The following STK32B variants were observed in gnomAD, a reference collection of about 807,000 sequenced individuals.
STK32B encodes the protein serine/threonine-protein kinase 32B.
STK32B carries 43 observed loss-of-function variants against 52.6 expected under a neutral mutation model. The ratio of observed to expected loss-of-function variants is 0.82; its 90% CI spans 0.64 to 1.05. The LOEUF is 1.05. STK32B is among the 50% of genes least tolerant of loss of function. STK32B has a pLI of 0.00. For missense variants in STK32B, 621 were observed against 534.6 expected (o/e 1.16, Z -1.59); for synonymous variants, 238 against 204.3 (o/e 1.17, Z -1.41).
chr4:5,153,415 C>T (rs562129846), intron 2 of STK32B, among the ~76,000 whole-genome samples: 8 of 151,290 alleles, frequency 5.3e-5, no homozygotes, highest in African/African-American at 1.7e-4. Context: ...AGGGGGCAAA[C>T]AATGTTCAGC....
At chr4:5,315,672 T>C (rs1730623982) in intron 3 of STK32B, among the ~76,000 whole-genome samples, 1 of 124,658 alleles carries the variant, frequency 8.0e-6, no homozygotes, top group South Asian at 2.4e-4. Flanking sequence ...TATTTTTTCT[T>C]TTTCTTTTTC....
intron 3 of STK32B, among the ~76,000 whole-genome samples, chr4:5,228,021 C>T (rs927665498): frequency 1.3e-5 from 2 of 152,044 alleles, no homozygotes; most frequent in Non-Finnish European, 2.9e-5. Flanking sequence ...TCTGGGAGAA[C>T]ATTTGTTTTA....
intron 2 of STK32B, among the ~76,000 whole-genome samples, chr4:5,153,098 C>T (rs1577111760): frequency 6.6e-6 from 1 of 152,172 alleles, no homozygotes; most frequent in South Asian, 2.1e-4. Flanking sequence ...TTCAAATGTC[C>T]CTCCCAGATA....
At chr4:5,176,438 CTTTT>C (rs34628636) in intron 3 of STK32B, among the ~76,000 whole-genome samples, 1 of 111,980 alleles carries the variant, frequency 8.9e-6, no homozygotes, top group East Asian at 2.6e-4. Flanking sequence ...CGGCCATCAT[CTTTT>C]TTTTTTTTTT....
At chr4:5,086,081 G>T (rs1712717172) in intron 1 of STK32B, among the ~76,000 whole-genome samples, 3 of 152,258 alleles carry the variant, frequency 2.0e-5, no homozygotes, top group African/African-American at 7.2e-5. Context: ...ATAATAGTTG[G>T]TGCAAACAAT....
intron 3 of STK32B, among the ~76,000 whole-genome samples, chr4:5,295,851 A>G (rs1729163738): frequency 6.6e-6 from 1 of 151,802 alleles, no homozygotes; most frequent in Non-Finnish European, 1.5e-5. Context: ...AGTTCTTCTA[A>G]TTGTGTTATG....
chr4:5,193,704 A>G (rs1721416869), intron 3 of STK32B, among the ~76,000 whole-genome samples: 1 of 152,234 alleles, frequency 6.6e-6, no homozygotes, highest in Non-Finnish European at 1.5e-5. Flanking sequence ...CCAGCCACAT[A>G]TGTGAAACTA....
chr4:5,437,489 C>T (rs1041504509), intron 6 of STK32B, among the ~76,000 whole-genome samples: 3 of 152,226 alleles, frequency 2.0e-5, no homozygotes, highest in South Asian at 2.1e-4. Context: ...CTTATAAAGA[C>T]ATCAGTTGTT....
chr4:5,373,398 T>C (rs1212566538), intron 4 of STK32B, among the ~76,000 whole-genome samples: 1 of 152,214 alleles, frequency 6.6e-6, no homozygotes, highest in African/African-American at 2.4e-5. Context: ...AACCCCCATG[T>C]TTCAGTTTGA....
intron 3 of STK32B, among the ~76,000 whole-genome samples, chr4:5,249,441 A>ACCTACCTACCTTCCTTCCTT (rs1182902469): frequency 7.3e-6 from 1 of 137,342 alleles, no homozygotes; most frequent in Non-Finnish European, 1.6e-5. Flanking sequence ...CTTCCTACCT[A>ACCTACCTACCTTCCTTCCTT]CCTTCCTTCC....
At chr4:5,114,350 C>T (rs553152070) in intron 1 of STK32B, among the ~76,000 whole-genome samples, 4 of 152,098 alleles carry the variant, frequency 2.6e-5, no homozygotes, top group East Asian at 1.9e-4. Context: ...CCTTCCTGGA[C>T]CCAGATGTAT....
chr4:5,416,017 CATG>C (rs1299278712), intron 5 of STK32B, among the ~76,000 whole-genome samples: 1 of 152,168 alleles, frequency 6.6e-6, no homozygotes, highest in Non-Finnish European at 1.5e-5. Flanking sequence ...GCCATTTTCA[CATG>C]ATGTGATGAC....
chr4:5,373,859 C>A (rs1735406711), intron 4 of STK32B, among the ~76,000 whole-genome samples: 1 of 152,148 alleles, frequency 6.6e-6, no homozygotes, highest in Admixed American at 6.5e-5. Flanking sequence ...TTTGTGATTT[C>A]TGCTCTATCT....
intron 3 of STK32B, among the ~76,000 whole-genome samples, chr4:5,274,651 C>G (rs78328604): frequency 0.069 from 10,447 of 152,182 alleles, 629 homozygotes; most frequent in African/African-American, 0.16. Flanking sequence ...GCATATAAAC[C>G]CCGGCATTGG....
intron 6 of STK32B, among the ~76,000 whole-genome samples, chr4:5,434,953 ATTC>A (rs1454472963): frequency 1.3e-5 from 2 of 152,138 alleles, no homozygotes; most frequent in Non-Finnish European, 2.9e-5. Context: ...TAAGACTGAC[ATTC>A]TGGTCTGGGC....
upstream of STK32B, among the ~76,000 whole-genome samples, chr4:5,047,451 G>T (rs1177602347): frequency 6.6e-6 from 1 of 152,028 alleles, no homozygotes; most frequent in East Asian, 1.9e-4. Context: ...ATGTATCCCG[G>T]AACTTAAAGT....
At chr4:5,407,480 A>G (rs1737755965) in intron 5 of STK32B, among the ~76,000 whole-genome samples, 1 of 152,148 alleles carries the variant, frequency 6.6e-6, no homozygotes, top group South Asian at 2.1e-4. Flanking sequence ...TTGTTGTCAC[A>G]CTGCTATAAA....
Position 5,275,561 on chromosome 4 carries a change from G to C in STK32B, c.261-55659G>C, listed in dbSNP as rs533604241. Among the ~76,000 whole-genome samples, 5 of 151,942 alleles carry C rather than the reference G, an allele frequency of 3.3e-5. No homozygotes were observed. The East Asian group carries it at 9.7e-4, about 30-fold the overall frequency. ...ATCCCCTTGAACCTTCTGTGAATCA[G>C]TTGCTTGCTAACTCCTGTTCGTGCC... On this transcript the variant is annotated intron_variant, in intron 3 of 11. Transcript: ENST00000282908.
intron 1 of STK32B, among the ~76,000 whole-genome samples, chr4:5,075,434 C>T (rs1181636219): frequency 1.3e-5 from 2 of 152,118 alleles, no homozygotes; most frequent in Non-Finnish European, 2.9e-5. Flanking sequence ...CTGTGAAAAT[C>T]ACCTTAAAAA....
Sources: allele counts gnomAD v4.1 joint callset (sites outside exome capture counted in the v4.1 genomes callset), GRCh38; gene constraint gnomAD v4.1.1; transcripts MANE v1.5; gene names NCBI Gene and HGNC (gene_info 2026-07-23, HGNC 2026-07-21).